The following KIAA1217 variants were observed in gnomAD, a reference collection of about 807,000 sequenced individuals.
KIAA1217 encodes sickle tail protein homolog.
A neutral mutation model predicts 163.9 loss-of-function variants in KIAA1217; 88 were observed. That is an observed-to-expected ratio of 0.54 (90% CI 0.45 to 0.64). The LOEUF (loss-of-function observed/expected upper bound fraction) is 0.64. Ranked by LOEUF, KIAA1217 falls within the 30% of genes least tolerant of loss-of-function variation. The pLI is 0.00. For synonymous variants in KIAA1217, 903 were observed against 923.1 expected, an observed-to-expected ratio of 0.98 and a Z score of 0.39; for missense variants, 2,372 against 2,475.0, an observed-to-expected ratio of 0.96 and a Z score of 0.88.
intron 1 of KIAA1217, among the ~76,000 whole-genome samples, chr10:23,819,661 G>A (rs573037467): frequency 6.6e-6 from 1 of 152,100 alleles, no homozygotes; most frequent in East Asian, 1.9e-4. Context: ...TTTGCCCATA[G>A]ACACAAAAAA....
chr10:24,072,406 A>T (rs1438863332), intron 2 of KIAA1217, among the ~76,000 whole-genome samples: 1 of 152,250 alleles, frequency 6.6e-6, no homozygotes, highest in Non-Finnish European at 1.5e-5. Flanking sequence ...GATATGCTAC[A>T]TTTAAGATTG....
At chr10:23,713,262 T>C (rs779562031) in intron 1 of KIAA1217, among the ~76,000 whole-genome samples, 4 of 152,132 alleles carry the variant, frequency 2.6e-5, no homozygotes, top group Non-Finnish European at 4.4e-5. Flanking sequence ...TGCTTGACTT[T>C]TTGCTGCTAA....
In KIAA1217 at chr10:24,544,025, C is replaced by T; in HGVS notation, c.4755C>T (p.Leu1585=). ...FKFPKKQLAA[L]TQAIRTGTKT... ...TCCCTAAGAAGCAACTCGCCGCTCTCACTCAAGCCATTCGCACCGGAACTA... is the reference window on the plus strand; with the variant it reads ...TCCCTAAGAAGCAACTCGCCGCTCTTACTCAAGCCATTCGCACCGGAACTA... Residue 1585 remains leucine, a synonymous_variant, in exon 19 of 21, where the codon CTC becomes CTT. Coordinates refer to ENST00000376454, the MANE Select transcript of KIAA1217 (RefSeq NM_019590.5). The T allele has an allele frequency of 6.2e-7, 1 of 1,614,152 alleles. No individual in the cohort carries two copies. Among genetic ancestry groups the T allele is most frequent in the East Asian group, 2.2e-5 (1 of 44,868 alleles).
intron 5 of KIAA1217, among the ~76,000 whole-genome samples, chr10:24,468,206 T>TC (rs1236132102): frequency 6.6e-6 from 1 of 152,078 alleles, no homozygotes; most frequent in Non-Finnish European, 1.5e-5. Context: ...CCCCTTACCT[T>TC]CCCCCACATC....
At chr10:24,533,034 TG>T in intron 15 of KIAA1217, 35 bp from the exon 16 acceptor site, 1 of 1,578,166 alleles carries the variant, frequency 6.3e-7, no homozygotes, top group Non-Finnish European at 8.6e-7. Context: ...ACCTAGGAGA[TG>T]TTAAACCACT....
At position 24,095,916 on chromosome 10, in the gene KIAA1217, A is replaced by G. The variant is rs544158046; in HGVS notation, c.-171+88542A>G. On this transcript the variant is annotated intron_variant, in intron 2 of 18. Coordinates refer to the KIAA1217 transcript ENST00000376462. ...AGGTCAGGAATTTGAGGCCAGGCTGAAAAACATAATGAGACCTGTCTCCGA... is the reference window on the plus strand; with the variant it reads ...AGGTCAGGAATTTGAGGCCAGGCTGGAAAACATAATGAGACCTGTCTCCGA... Among the ~76,000 whole-genome samples, 6 of 152,314 alleles carry G rather than the reference A, an allele frequency of 3.9e-5. No homozygotes were observed. The East Asian group carries it at 1.2e-3, about 29-fold the overall frequency.
At chr10:24,355,726 CTCTTTTTTTTTTT>C (rs2049002275) in intron 2 of KIAA1217, among the ~76,000 whole-genome samples, 1 of 69,236 alleles carries the variant, frequency 1.4e-5, no homozygotes, top group African/African-American at 3.9e-5. Flanking sequence ...CAAGTCCTCA[CTCTTTTTTTTTTT>C]TTTTTTTTTT....
intron 1 of KIAA1217, among the ~76,000 whole-genome samples, chr10:23,804,027 T>C (rs190424730): frequency 1.3e-5 from 2 of 152,250 alleles, no homozygotes; most frequent in Non-Finnish European, 2.9e-5. Flanking sequence ...ATATTTTATA[T>C]ACATCATCAT....
chr10:24,262,883 G>T (rs11013997), intron 2 of KIAA1217, among the ~76,000 whole-genome samples: 66,710 of 150,804 alleles, frequency 0.44, 15,189 homozygotes, highest in African/African-American at 0.55. Flanking sequence ...CTGGGAGGTG[G>T]AGGCTGCAGT....
chr10:24,513,574 A>C, intron 10 of KIAA1217, 140 bp downstream of exon 10: 1 of 735,366 alleles, frequency 1.4e-6, no homozygotes, highest in Non-Finnish European at 2.2e-6. Flanking sequence ...AGTTCTGCTG[A>C]TGCTGGTATA....
chr10:24,044,951 G>A (rs1272312746), intron 2 of KIAA1217, among the ~76,000 whole-genome samples: 3 of 151,998 alleles, frequency 2.0e-5, no homozygotes, highest in Non-Finnish European at 4.4e-5. Flanking sequence ...CTGATTTCTA[G>A]AACTCCTGAA....
intron 1 of KIAA1217, among the ~76,000 whole-genome samples, chr10:23,915,182 G>A (rs1024543620): frequency 6.6e-6 from 1 of 152,144 alleles, no homozygotes; most frequent in Non-Finnish European, 1.5e-5. Flanking sequence ...AAATTGCTCA[G>A]AAACAGAACA....
chr10:23,864,972 C>G (rs1219662947), intron 1 of KIAA1217, among the ~76,000 whole-genome samples: 2 of 152,218 alleles, frequency 1.3e-5, no homozygotes, highest in African/African-American at 4.8e-5. Flanking sequence ...GAAGGATAAT[C>G]TGCTTTATTA....
intron 2 of KIAA1217, among the ~76,000 whole-genome samples, chr10:24,139,353 CT>C (rs2063960911): frequency 6.6e-6 from 1 of 151,898 alleles, no homozygotes; most frequent in Admixed American, 6.6e-5. Flanking sequence ...GTGTGTGGTA[CT>C]TTTTTTGAGT....
intron 5 of KIAA1217, among the ~76,000 whole-genome samples, chr10:24,445,232 T>G (rs1459371132): frequency 6.6e-6 from 1 of 152,122 alleles, no homozygotes; most frequent in Non-Finnish European, 1.5e-5. Flanking sequence ...TGTTGGACAC[T>G]GGATTTGAAC....
chr10:24,522,030 A>C (rs1194334361), intron 12 of KIAA1217, 101 bp downstream of exon 12: 1 of 1,345,064 alleles, frequency 7.4e-7, no homozygotes, highest in Non-Finnish European at 1.0e-6. Context: ...TGCTCCCAGG[A>C]CACATCCAGT....
intron 2 of KIAA1217, among the ~76,000 whole-genome samples, chr10:24,044,507 T>C (rs1276492015): frequency 6.6e-6 from 1 of 151,370 alleles, no homozygotes; most frequent in South Asian, 2.1e-4. Context: ...CATTTCTGAC[T>C]TTTTTTTTAA....
At chr10:23,935,105 T>C (rs1589108313) in intron 1 of KIAA1217, among the ~76,000 whole-genome samples, 9 of 152,238 alleles carry the variant, frequency 5.9e-5, no homozygotes, top group Admixed American at 5.9e-4. Flanking sequence ...GTACAGTCTA[T>C]GTTCTATAAA....
At chr10:24,200,122 T>G (rs2130517813) in intron 2 of KIAA1217, among the ~76,000 whole-genome samples, 1 of 152,068 alleles carries the variant, frequency 6.6e-6, no homozygotes, top group Middle Eastern at 3.4e-3. Flanking sequence ...CGGTCTGCTC[T>G]GCTGATCTCT....
Sources: allele counts gnomAD v4.1 joint callset (sites outside exome capture counted in the v4.1 genomes callset), GRCh38; gene constraint gnomAD v4.1.1; transcripts MANE v1.5; gene names NCBI Gene and HGNC (gene_info 2026-07-23, HGNC 2026-07-21).